Variants in EIF4G3 observed in about 807,000 individuals in gnomAD.
The protein encoded by EIF4G3 is eIF-4-gamma 3.
A neutral mutation model predicts 186.4 loss-of-function variants in EIF4G3; 34 were observed. The observed-to-expected ratio is 0.18, with a 90% CI of 0.14 to 0.24. The LOEUF is 0.24. Ranked by LOEUF, EIF4G3 falls within the 10% of genes least tolerant of loss-of-function variation. EIF4G3 has a pLI of 1.00. For synonymous variants in EIF4G3, 673 were observed against 679.5 expected (o/e 0.99, Z 0.15); for missense variants, 1,536 against 1,948.5 (o/e 0.79, Z 3.99).
At chr1:21,126,352 A>G (rs1364715269) in intron 2 of EIF4G3, among the ~76,000 whole-genome samples, 1 of 152,164 alleles carries the variant, frequency 6.6e-6, no homozygotes, top group African/African-American at 2.4e-5. Flanking sequence ...GAATTTATAT[A>G]AAGTATTGAT....
chr1:20,878,608 A>G (rs1402573862), intron 20 of EIF4G3, among the ~76,000 whole-genome samples: 1 of 152,228 alleles, frequency 6.6e-6, no homozygotes, highest in East Asian at 1.9e-4. Context: ...TCTAAGCAGC[A>G]AGGCACGACA....
intron 30 of EIF4G3, 98 bp from the exon 31 acceptor site, chr1:20,829,370 C>A (rs1246483824): frequency 1.5e-6 from 2 of 1,347,410 alleles, no homozygotes; most frequent in African/African-American, 1.5e-5. Context: ...ACATATTAAT[C>A]ACCTGCTATG....
At chr1:21,097,046 G>A (rs974659523) in intron 2 of EIF4G3, among the ~76,000 whole-genome samples, 1 of 152,122 alleles carries the variant, frequency 6.6e-6, no homozygotes, top group Non-Finnish European at 1.5e-5. Flanking sequence ...GGTAAATATT[G>A]TGTTATGTAT....
intron 19 of EIF4G3, 103 bp downstream of exon 19, chr1:20,886,098 A>C (rs1558077418): frequency 7.5e-7 from 1 of 1,334,788 alleles, no homozygotes; most frequent in Non-Finnish European, 1.0e-6. Context: ...ATGTTATAAA[A>C]AGTCTTAAAC....
intron 12 of EIF4G3, among the ~76,000 whole-genome samples, chr1:20,963,875 T>C (rs921219305): frequency 1.3e-5 from 2 of 151,366 alleles, no homozygotes; most frequent in East Asian, 1.9e-4. Flanking sequence ...TGAGCCGAGA[T>C]TGTGCCACCG....
At chr1:21,089,100 A>C in intron 3 of EIF4G3, 38 bp downstream of exon 3, 1 of 709,198 alleles carries the variant, frequency 1.4e-6, no homozygotes, top group South Asian at 1.5e-5. Flanking sequence ...TTCACACACA[A>C]AAGCACACAC....
intron 4 of EIF4G3, among the ~76,000 whole-genome samples, chr1:21,033,336 A>G (rs2092903757): frequency 6.6e-6 from 1 of 152,216 alleles, no homozygotes; most frequent in Non-Finnish European, 1.5e-5. Flanking sequence ...TCTGGTTTTC[A>G]GTAATGATGA....
At chr1:21,089,559 T>C (rs1436055784) in intron 2 of EIF4G3, among the ~76,000 whole-genome samples, 4 of 152,114 alleles carry the variant, frequency 2.6e-5, no homozygotes, top group Non-Finnish European at 4.4e-5. Context: ...CCAACACTTT[T>C]GGAGGTCAAA....
chr1:21,062,285 C>A (rs1483111384), intron 3 of EIF4G3, among the ~76,000 whole-genome samples: 3 of 151,910 alleles, frequency 2.0e-5, no homozygotes, highest in South Asian at 4.2e-4. Context: ...GCTTCAAACT[C>A]CTGGGCTCAA....
intron 30 of EIF4G3, among the ~76,000 whole-genome samples, chr1:20,829,485 C>T (rs1250162564): frequency 1.3e-5 from 2 of 152,010 alleles, no homozygotes; most frequent in Non-Finnish European, 2.9e-5. Flanking sequence ...AGCATACTTG[C>T]AAATAGGGCT....
intron 2 of EIF4G3, among the ~76,000 whole-genome samples, chr1:21,090,497 A>G (rs1258551751): frequency 1.3e-5 from 2 of 152,212 alleles, no homozygotes; most frequent in African/African-American, 4.8e-5. Flanking sequence ...ATTTTAAAGA[A>G]CAAATGTTTA....
intron 14 of EIF4G3, among the ~76,000 whole-genome samples, chr1:20,921,523 T>C (rs2094494790): frequency 6.6e-6 from 1 of 152,220 alleles, no homozygotes; most frequent in Non-Finnish European, 1.5e-5. Flanking sequence ...TCATGGATTA[T>C]GTCACAGGAT....
intron 4 of EIF4G3, among the ~76,000 whole-genome samples, chr1:21,041,655 A>G (rs1013722771): frequency 3.3e-5 from 5 of 152,218 alleles, no homozygotes; most frequent in African/African-American, 1.2e-4. Flanking sequence ...AGTGAAGAGA[A>G]ATGGAAATAT....
intron 18 of EIF4G3, among the ~76,000 whole-genome samples, chr1:20,891,940 C>T (rs2086235012): frequency 6.6e-6 from 1 of 152,108 alleles, no homozygotes; most frequent in Non-Finnish European, 1.5e-5. Flanking sequence ...ATACACAGGT[C>T]TCTAAAATGG....
At chr1:21,010,681 AAC>A (rs1361072296) in intron 4 of EIF4G3, among the ~76,000 whole-genome samples, 1 of 152,224 alleles carries the variant, frequency 6.6e-6, no homozygotes, top group East Asian at 1.9e-4. Flanking sequence ...CATACTGCAC[AAC>A]ACAGGTATAG....
chr1:21,103,633 CA>C (rs1426611284), intron 2 of EIF4G3, among the ~76,000 whole-genome samples: 1 of 152,090 alleles, frequency 6.6e-6, no homozygotes, highest in Admixed American at 6.6e-5. Flanking sequence ...CATCTGAGGC[CA>C]GTAGTTCAAG....
chr1:21,121,934 T>C (rs1361744106), intron 2 of EIF4G3, among the ~76,000 whole-genome samples: 1 of 152,050 alleles, frequency 6.6e-6, no homozygotes, highest in African/African-American at 2.4e-5. Flanking sequence ...GCCTGTAAGG[T>C]AGGTTACCTT....
intron 14 of EIF4G3, among the ~76,000 whole-genome samples, chr1:20,936,276 A>G (rs763656940): frequency 1.3e-5 from 2 of 152,236 alleles, no homozygotes; most frequent in Non-Finnish European, 2.9e-5. Flanking sequence ...GAAACAGTTT[A>G]CAAACAAGGT....
At chr1:20,947,067 T>C (rs2095983047) in intron 13 of EIF4G3, among the ~76,000 whole-genome samples, 1 of 152,182 alleles carries the variant, frequency 6.6e-6, no homozygotes, top group Non-Finnish European at 1.5e-5. Flanking sequence ...TAAAAACTCC[T>C]TGGCTGGCTG....
Sources: allele counts gnomAD v4.1 joint callset (sites outside exome capture counted in the v4.1 genomes callset), GRCh38; gene constraint gnomAD v4.1.1; transcripts MANE v1.5; gene names NCBI Gene and HGNC (gene_info 2026-07-23, HGNC 2026-07-21).